The following CCT3 variants were observed in gnomAD, a reference collection of about 807,000 sequenced individuals.
CCT3 encodes chaperonin containing TCP1 subunit 3, also known as T-complex protein 1 subunit gamma.
Under a neutral mutation model 65.3 loss-of-function variants are expected in CCT3, and 10 were observed. That is an observed-to-expected ratio of 0.15 (90% CI 0.09 to 0.26). CCT3 has a LOEUF of 0.26. Ranked by LOEUF, CCT3 falls within the 10% of genes least tolerant of loss-of-function variation. The probability of loss-of-function intolerance (pLI) is 1.00; values close to 1 mark genes in which losing one functional copy is unlikely to be tolerated. For missense variants in CCT3, 626 were observed against 708.7 expected, an observed-to-expected ratio of 0.88 and a Z score of 1.33; for synonymous variants, 225 against 242.3, an observed-to-expected ratio of 0.93 and a Z score of 0.66.
chr1:156,335,073 G>A, intron 2 of CCT3, 155 bp from the exon 3 acceptor site: 1 of 626,918 alleles, frequency 1.6e-6, no homozygotes, highest in Admixed American at 3.1e-5. Flanking sequence ...GTCTCACCAT[G>A]TTGCTCGGGC....
At chr1:156,329,192 A>C (rs1459105071) in intron 5 of CCT3, among the ~76,000 whole-genome samples, 1 of 152,172 alleles carries the variant, frequency 6.6e-6, no homozygotes, top group African/African-American at 2.4e-5. Flanking sequence ...TATACCATAC[A>C]GCCTAAGTGT....
At chr1:156,321,354 A>AT (rs771539596) in intron 6 of CCT3, among the ~76,000 whole-genome samples, 40 of 151,496 alleles carry the variant, frequency 2.6e-4, no homozygotes, top group African/African-American at 9.2e-4. Context: ...GTCAAGACAC[A>AT]TTTTTTTTTA....
At chr1:156,310,140 G>C (rs1184660727) in intron 13 of CCT3, among the ~76,000 whole-genome samples, 1 of 150,448 alleles carries the variant, frequency 6.6e-6, no homozygotes, top group Non-Finnish European at 1.5e-5. Context: ...GATAATTAAA[G>C]AGATAGAATG....
chr1:156,309,209 C>G lies in CCT3; in HGVS notation c.1628G>C (p.Gly543Ala). The change falls in exon 14 of 14, where the codon GGC becomes GCC. Residue 543 changes from glycine to alanine, a missense_variant. Gly to Ala is a moderately conservative substitution (Grantham distance 60). Transcript: ENST00000295688. Reference protein sequence around the residue: ...QSRQGGAPDAGQE With the variant: ...QSRQGGAPDAAQE ...AGCCTTGCCTAGCACTCACTCCTGGCCAGCATCAGGAGCCCCGCCTTGCCG... is the reference window on the plus strand; with the variant it reads ...AGCCTTGCCTAGCACTCACTCCTGGGCAGCATCAGGAGCCCCGCCTTGCCG... 1 of 1,609,774 alleles carries G rather than the reference C, an allele frequency of 6.2e-7. No individual in the cohort carries two copies. The highest frequency in any genetic ancestry group is 8.5e-7 in the Non-Finnish European group (1 of 1,176,078).
intron 10 of CCT3, among the ~76,000 whole-genome samples, chr1:156,314,702 G>A (rs896227694): frequency 7.2e-5 from 11 of 152,016 alleles, no homozygotes; most frequent in Non-Finnish European, 8.8e-5. Flanking sequence ...CGACAAGAGC[G>A]AAACTCCATC....
At chr1:156,313,362 A>AAAGAG (rs1442504002) in intron 10 of CCT3, among the ~76,000 whole-genome samples, 19 of 146,164 alleles carry the variant, frequency 1.3e-4, no homozygotes, top group South Asian at 6.5e-4. Context: ...AAAAAAAAAA[A>AAAGAG]AGAGAGAGAG....
chr1:156,317,787 C>A (rs1196427725), intron 8 of CCT3, among the ~76,000 whole-genome samples: 2 of 151,668 alleles, frequency 1.3e-5, no homozygotes, highest in East Asian at 1.9e-4. Context: ...TGGCTCACTG[C>A]AAGCTCTGCC....
chr1:156,311,955 C>T (rs1664101122), intron 11 of CCT3, 86 bp downstream of exon 11: 2 of 1,100,090 alleles, frequency 1.8e-6, no homozygotes. Flanking sequence ...TATAAATGGA[C>T]CACAGAATTA....
At chr1:156,329,198 A>C (rs981284002) in intron 5 of CCT3, among the ~76,000 whole-genome samples, 1 of 152,176 alleles carries the variant, frequency 6.6e-6, no homozygotes, top group African/African-American at 2.4e-5. Flanking sequence ...ATACAGCCTA[A>C]GTGTATAGTA....
At chr1:156,330,961 G>A (rs997508817) in intron 5 of CCT3, among the ~76,000 whole-genome samples, 2 of 151,790 alleles carry the variant, frequency 1.3e-5, no homozygotes, top group Non-Finnish European at 2.9e-5. Flanking sequence ...AGCCAGGCAC[G>A]GTGGCTCACA....
chr1:156,316,150 A>G (rs1235502932), intron 10 of CCT3, among the ~76,000 whole-genome samples: 1 of 152,110 alleles, frequency 6.6e-6, no homozygotes, highest in Admixed American at 6.6e-5. Flanking sequence ...AACGGCAAAA[A>G]ATAATATAAA....
At chr1:156,335,611 C>T in intron 2 of CCT3, 2 of 505,236 alleles carry the variant, frequency 4.0e-6, no homozygotes, top group African/African-American at 3.8e-5. Context: ...CAGAATAATG[C>T]ACAAGTTAAT....
At position 156,338,268 on chromosome 1, in the gene CCT3, A is replaced by C. The variant is rs956140775; in HGVS notation, c.-84T>G. On this transcript the variant is annotated 5_prime_UTR_variant, in exon 1 of 14. Transcript: ENST00000295688. ...GAGAGAGAACCAGACAGAAGCCCAG[A>C]AAACGCTGCCTCCTCAGGGCTTACA... 21 of 1,422,200 alleles carry C rather than the reference A, an allele frequency of 1.5e-5. No individual in the cohort carries two copies. Among genetic ancestry groups the C allele is most frequent in the Non-Finnish European group, 2.0e-5 (21 of 1,030,130 alleles). 88.1% of individuals were successfully genotyped at this position (1,422,200 alleles called of 1,614,324 possible).
rs1664301327 is a variant in CCT3, at chr1:156,316,109, G to GGGGGT, written c.974+1052_974+1056dup. On this transcript the variant is annotated intron_variant, in intron 10 of 13. Transcript: ENST00000295688. ...AACCATGCACTGATAACATGGCAGG[G>GGGGGT]GGGGTGGGGTGGGGGGATGGACAAT... 3.9e-5 allele frequency among the ~76,000 whole-genome samples: 6 copies of GGGGGT among 152,028 alleles called. No homozygotes were observed. In the South Asian group the frequency reaches 1.2e-3, roughly 32 times the overall value.
chr1:156,314,365 A>C (rs1278536477), intron 10 of CCT3, among the ~76,000 whole-genome samples: 1 of 152,214 alleles, frequency 6.6e-6, no homozygotes, highest in Non-Finnish European at 1.5e-5. Context: ...AAGGGTTTCA[A>C]GATATGAATC....
At chr1:156,323,478 T>C (rs181250383) in intron 6 of CCT3, among the ~76,000 whole-genome samples, 1 of 152,280 alleles carries the variant, frequency 6.6e-6, no homozygotes, top group East Asian at 1.9e-4. Context: ...TATTTATTTA[T>C]TTTTGAGATG....
At chr1:156,318,735 A>T (rs1422586517) in intron 8 of CCT3, 133 bp downstream of exon 8, 1 of 759,886 alleles carries the variant, frequency 1.3e-6, no homozygotes, top group Non-Finnish European at 2.0e-6. Context: ...CAACTATTCT[A>T]AAGGATTGTT....
At chr1:156,310,509 A>G (rs11582672) in intron 13 of CCT3, 49 bp downstream of exon 13, 7 of 735,578 alleles carry the variant, frequency 9.5e-6, no homozygotes, top group Non-Finnish European at 1.3e-5. Context: ...TAAATAGATA[A>G]ATAAATAAAT....
At chr1:156,328,100 C>T (rs1664925514) in intron 5 of CCT3, among the ~76,000 whole-genome samples, 2 of 133,348 alleles carry the variant, frequency 1.5e-5, no homozygotes, top group South Asian at 2.5e-4. Flanking sequence ...CCCAGCCAGC[C>T]GCCCCGTCCG....
Sources: gnomAD v4.1 joint callset for allele counts (sites outside exome capture counted in the v4.1 genomes callset) on GRCh38, gnomAD v4.1.1 for gene constraint, MANE v1.5 for transcripts, NCBI Gene and HGNC (gene_info 2026-07-23, HGNC 2026-07-21) for gene names.